Variants in ITPR1 observed in about 807,000 individuals in gnomAD.
ITPR1 encodes the protein inositol 1,4,5-trisphosphate-gated calcium channel ITPR1.
ITPR1 carries 96 observed loss-of-function variants against 318.4 expected under a neutral mutation model. The observed-to-expected ratio is 0.30, with a 90% CI of 0.26 to 0.36. ITPR1 has a LOEUF of 0.36. Ranked by LOEUF, ITPR1 falls within the 10% of genes least tolerant of loss-of-function variation. ITPR1 has a pLI of 1.00. For missense variants in ITPR1, 2,440 were observed against 3,460.2 expected (o/e 0.71, Z 7.40); for synonymous variants, 1,312 against 1,289.9 (o/e 1.02, Z -0.37).
intron 4 of ITPR1, among the ~76,000 whole-genome samples, chr3:4,530,163 C>A (rs549625693): frequency 6.6e-6 from 1 of 152,166 alleles, no homozygotes; most frequent in African/African-American, 2.4e-5. Flanking sequence ...GCATGCTAAC[C>A]GCCTACTTAA....
At chr3:4,686,283 C>A (rs2094392897) in intron 30 of ITPR1, among the ~76,000 whole-genome samples, 1 of 152,194 alleles carries the variant, frequency 6.6e-6, no homozygotes, top group Non-Finnish European at 1.5e-5. Flanking sequence ...TCCTCCTCCT[C>A]AGTCATGGGG....
At chr3:4,838,184 G>A (rs1230332659) in intron 61 of ITPR1, among the ~76,000 whole-genome samples, 1 of 151,936 alleles carries the variant, frequency 6.6e-6, no homozygotes, top group Non-Finnish European at 1.5e-5. Flanking sequence ...CTGTATTAAG[G>A]TGCAAATAAA....
At chr3:4,573,856 AT>A (rs2088302879) in intron 4 of ITPR1, among the ~76,000 whole-genome samples, 1 of 152,138 alleles carries the variant, frequency 6.6e-6, no homozygotes, top group Admixed American at 6.5e-5. Context: ...ATCGTAGTGT[AT>A]TTATTTGTGA....
chr3:4,805,516 G>A (rs2048498895), intron 54 of ITPR1, among the ~76,000 whole-genome samples: 1 of 152,104 alleles, frequency 6.6e-6, no homozygotes, highest in African/African-American at 2.4e-5. Flanking sequence ...GGTCCCCAAA[G>A]GAAAATTAGA....
chr3:4,646,902 T>A (rs917571431), intron 10 of ITPR1, among the ~76,000 whole-genome samples: 7 of 152,138 alleles, frequency 4.6e-5, no homozygotes, highest in Non-Finnish European at 8.8e-5. Flanking sequence ...TAGCTTCAAT[T>A]GTTTCATGTT....
intron 61 of ITPR1, among the ~76,000 whole-genome samples, chr3:4,839,274 C>G (rs1479123214): frequency 6.6e-6 from 1 of 152,066 alleles, no homozygotes; most frequent in Non-Finnish European, 1.5e-5. Context: ...TTGTGGTGAG[C>G]CGAGATCACG....
intron 2 of ITPR1, among the ~76,000 whole-genome samples, chr3:4,509,692 GA>G (rs2081654837): frequency 6.6e-6 from 1 of 152,176 alleles, no homozygotes; most frequent in Non-Finnish European, 1.5e-5. Context: ...AGCTACTCAG[GA>G]GGCTGAGGTG....
In ITPR1 at chr3:4,783,897, G is replaced by A; in HGVS notation, c.6592G>A (p.Ala2198Thr). The A allele has an allele frequency of 6.2e-7, 1 of 1,608,412 alleles. No individual in the cohort carries two copies. The highest frequency in any genetic ancestry group is 8.5e-7 in the Non-Finnish European group (1 of 1,177,462). Reference protein sequence around the residue: ...VDGDEALEFYAKHTAQIEIVR... With the variant: ...VDGDEALEFYTKHTAQIEIVR... ...CGGAGATGAAGCCCTGGAGTTTTAT[G>A]CCAAGCACACGGCGCAGATAGAGGT... The change falls in exon 51 of 62, where the codon GCC (alanine) becomes ACC (threonine). Residue 2198 changes from alanine to threonine, a missense_variant. Ala to Thr is a moderately conservative substitution (Grantham distance 58). Around this residue, in one of 23 missense-constraint regions of ITPR1, gnomAD observed 115 missense variants for 204.5 expected, o/e 0.56. Coordinates refer to ENST00000649015, the MANE Select transcript of ITPR1 (RefSeq NM_001378452.1).
intron 52 of ITPR1, 150 bp from the exon 53 acceptor site, chr3:4,794,915 T>C: frequency 1.2e-6 from 1 of 842,054 alleles, no homozygotes; most frequent in Non-Finnish European, 1.8e-6. Flanking sequence ...ATGTACCAAG[T>C]TCCAAACAAA....
At chr3:4,707,275 A>T (rs574555780) in intron 37 of ITPR1, among the ~76,000 whole-genome samples, 191 of 152,264 alleles carry the variant, frequency 1.3e-3, no homozygotes, top group Admixed American at 2.3e-3. Context: ...TCCGCTAGCT[A>T]TTTCTTGCTT....
In ITPR1 at chr3:4,768,589, T is replaced by G; in HGVS notation, c.5804T>G (p.Phe1935Cys). The change falls in exon 46 of 62, where the codon TTC becomes TGC. Residue 1935 changes from phenylalanine to cysteine, a missense_variant. Physicochemically the swap from Phe to Cys is radical, Grantham distance 205. Transcript: ENST00000649015. ...GCCTCCGCTGCCACCAGGAAAGCCTTCACCACTTTCAGGAGGGAGGCTGAT... is the reference window on the plus strand; with the variant it reads ...GCCTCCGCTGCCACCAGGAAAGCCTGCACCACTTTCAGGAGGGAGGCTGAT... ...LEASAATRKA[F>C]TTFRREADPD... 6.2e-7 allele frequency: 1 copy of G among 1,613,966 alleles called. No individual in the cohort carries two copies. The highest frequency in any genetic ancestry group is 8.5e-7 in the Non-Finnish European group (1 of 1,179,866).
At chr3:4,720,725 A>G (rs1261950783) in intron 40 of ITPR1, among the ~76,000 whole-genome samples, 3 of 152,130 alleles carry the variant, frequency 2.0e-5, no homozygotes, top group African/African-American at 7.2e-5. Context: ...CAGCCTGCAT[A>G]TGTTAACTCC....
intron 43 of ITPR1, 95 bp from the exon 44 acceptor site, chr3:4,735,069 G>T (rs756819419): frequency 2.2e-6 from 2 of 890,848 alleles, no homozygotes; most frequent in East Asian, 2.5e-5. Context: ...CATGGGTAAA[G>T]CATTTAGTGC....
chr3:4,700,346 A>G (rs7652028), intron 35 of ITPR1, among the ~76,000 whole-genome samples: 34,539 of 152,150 alleles, frequency 0.23, 4,791 homozygotes, highest in African/African-American at 0.38. Flanking sequence ...TATGCCTTAC[A>G]TGCATGGTCA....
chr3:4,531,754 C>A (rs1049281467), intron 4 of ITPR1, among the ~76,000 whole-genome samples: 1 of 152,152 alleles, frequency 6.6e-6, no homozygotes, highest in African/African-American at 2.4e-5. Context: ...CCTTCCTGGA[C>A]CCCCCAGTCT....
At chr3:4,784,440 G>A (rs570960391) in intron 51 of ITPR1, among the ~76,000 whole-genome samples, 7 of 152,262 alleles carry the variant, frequency 4.6e-5, no homozygotes, top group African/African-American at 1.7e-4. Context: ...GGAAAGGCAG[G>A]CAGCCCTGAT....
intron 37 of ITPR1, among the ~76,000 whole-genome samples, chr3:4,707,476 TAG>T (rs1268619815): frequency 6.6e-6 from 1 of 152,194 alleles, no homozygotes. Flanking sequence ...TGAGTGTGTG[TAG>T]AGAGAGACAA....
At chr3:4,738,495 A>C (rs1013350561) in intron 44 of ITPR1, among the ~76,000 whole-genome samples, 1 of 152,140 alleles carries the variant, frequency 6.6e-6, no homozygotes, top group Non-Finnish European at 1.5e-5. Flanking sequence ...CAGAGGCCCC[A>C]TTCGGTTCTG....
chr3:4,745,037 TTTA>T (rs2043993445), intron 44 of ITPR1, among the ~76,000 whole-genome samples: 1 of 89,534 alleles, frequency 1.1e-5, no homozygotes, highest in Non-Finnish European at 2.2e-5. Context: ...TCTTTTCTTC[TTTA>T]TCTCTTTCTT....
Sources: gnomAD v4.1 joint callset for allele counts (sites outside exome capture counted in the v4.1 genomes callset) on GRCh38, gnomAD v4.1.1 for gene constraint, gnomAD v4.1.1 regional missense constraint, MANE v1.5 for transcripts, NCBI Gene and HGNC (gene_info 2026-07-23, HGNC 2026-07-21) for gene names.